DGKB: variants seen among roughly 807,000 people sequenced by gnomAD.
DGKB encodes 90 kDa diacylglycerol kinase.
A neutral mutation model predicts 114.3 loss-of-function variants in DGKB; 67 were observed. That is an observed-to-expected ratio of 0.59 (90% CI 0.48 to 0.72). The LOEUF (loss-of-function observed/expected upper bound fraction) is 0.72, where lower values mean the gene tolerates loss of function less well. Among genes scored for constraint, DGKB ranks in the 30% least tolerant of loss-of-function variants. DGKB has a pLI of 0.00. For missense variants in DGKB, 907 were observed against 975.2 expected (o/e 0.93, Z 0.93); for synonymous variants, 398 against 323.1 (o/e 1.23, Z -2.49).
At chr7:14,852,487 C>CAAAA in intron 1 of DGKB, among the ~76,000 whole-genome samples, 5 of 63,616 alleles carry the variant, frequency 7.9e-5, no homozygotes, top group East Asian at 5.0e-4. Flanking sequence ...TAGTGAAAGT[C>CAAAA]AAAAAAAAAA....
At chr7:14,256,385 T>A (rs1795970607) in intron 23 of DGKB, among the ~76,000 whole-genome samples, 1 of 152,042 alleles carries the variant, frequency 6.6e-6, no homozygotes, top group Admixed American at 6.5e-5. Flanking sequence ...CTTTTATAAT[T>A]TTCCCTTTAA....
intron 13 of DGKB, among the ~76,000 whole-genome samples, chr7:14,657,553 G>A (rs1306956232): frequency 1.3e-5 from 2 of 151,848 alleles, no homozygotes; most frequent in Admixed American, 6.6e-5. Context: ...GATGACATAG[G>A]ATTTCAAGGA....
chr7:14,912,798 C>T (rs1184800554), intron 1 of DGKB, among the ~76,000 whole-genome samples: 1 of 152,064 alleles, frequency 6.6e-6, no homozygotes, highest in African/African-American at 2.4e-5. Flanking sequence ...TGCAGAGTTT[C>T]CCACACATAT....
intron 23 of DGKB, among the ~76,000 whole-genome samples, chr7:14,243,713 A>G (rs770898105): frequency 1.3e-5 from 2 of 152,176 alleles, no homozygotes; most frequent in Non-Finnish European, 2.9e-5. Flanking sequence ...TATTACCTCT[A>G]TTCTCTCAGT....
chr7:14,675,863 C>CATT (rs1819763887), intron 12 of DGKB, among the ~76,000 whole-genome samples: 2 of 152,018 alleles, frequency 1.3e-5, no homozygotes, highest in African/African-American at 4.8e-5. Context: ...TAACCATCAA[C>CATT]ATTATGACGT....
chr7:14,336,655 C>T (rs947687732), intron 23 of DGKB, among the ~76,000 whole-genome samples: 1 of 152,136 alleles, frequency 6.6e-6, no homozygotes, highest in Non-Finnish European at 1.5e-5. Context: ...GTTACAGGCA[C>T]TGACAGCCTA....
chr7:14,399,680 C>T (rs1171099388), intron 21 of DGKB, among the ~76,000 whole-genome samples: 3 of 151,682 alleles, frequency 2.0e-5, no homozygotes, highest in African/African-American at 7.3e-5. Context: ...GTTGATAGTA[C>T]TTTAATTGAG....
At chr7:14,176,333 A>C (rs1349381319) in intron 25 of DGKB, 1 of 984,476 alleles carries the variant, frequency 1.0e-6, no homozygotes, top group African/African-American at 1.7e-5. Flanking sequence ...GCCTTAAATA[A>C]TACCTCATTC....
At chr7:14,363,971 G>A (rs1816201308) in intron 21 of DGKB, among the ~76,000 whole-genome samples, 1 of 151,968 alleles carries the variant, frequency 6.6e-6, no homozygotes, top group Non-Finnish European at 1.5e-5. Context: ...AAAGAAATAT[G>A]ATAGGTCAAT....
intron 1 of DGKB, among the ~76,000 whole-genome samples, chr7:14,916,900 A>G (rs1307240700): frequency 6.6e-6 from 1 of 152,100 alleles, no homozygotes; most frequent in African/African-American, 2.4e-5. Context: ...GCCCTAAAAC[A>G]CACCTTAACA....
chr7:14,685,763 A>C (rs1382012048), intron 9 of DGKB, among the ~76,000 whole-genome samples: 1 of 152,124 alleles, frequency 6.6e-6, no homozygotes, highest in Non-Finnish European at 1.5e-5. Flanking sequence ...ACAAAGAAAA[A>C]CCTGCAAAGA....
At chr7:14,552,594 T>C (rs1189847945) in intron 20 of DGKB, among the ~76,000 whole-genome samples, 3 of 152,210 alleles carry the variant, frequency 2.0e-5, no homozygotes, top group Admixed American at 6.5e-5. Flanking sequence ...ATAAGGAATA[T>C]GTCACCATGT....
At chr7:14,597,656 G>T (rs956225577) in intron 17 of DGKB, among the ~76,000 whole-genome samples, 9 of 151,962 alleles carry the variant, frequency 5.9e-5, no homozygotes, top group African/African-American at 2.2e-4. Context: ...AGAAGAGGAG[G>T]GTATGTATAA....
intron 17 of DGKB, among the ~76,000 whole-genome samples, chr7:14,602,189 C>T (rs963222662): frequency 7.2e-5 from 11 of 152,246 alleles, no homozygotes; most frequent in East Asian, 1.9e-4. Flanking sequence ...GTTTTGATAT[C>T]ACAGGGGTAC....
At chr7:14,819,215 G>T (rs375671669) in intron 2 of DGKB, among the ~76,000 whole-genome samples, 38 of 152,022 alleles carry the variant, frequency 2.5e-4, no homozygotes, top group African/African-American at 8.7e-4. Flanking sequence ...TGGGACATAG[G>T]GTCCCTGCAT....
At chr7:14,929,121 T>C (rs141473061) in intron 1 of DGKB, among the ~76,000 whole-genome samples, 10 of 152,024 alleles carry the variant, frequency 6.6e-5, no homozygotes, top group Admixed American at 1.3e-4. Context: ...CATTTCTTTA[T>C]ACAGTCATCC....
At chr7:14,554,027 C>T (rs1170940723) in intron 20 of DGKB, among the ~76,000 whole-genome samples, 2 of 151,920 alleles carry the variant, frequency 1.3e-5, no homozygotes, top group African/African-American at 4.8e-5. Context: ...CAACCGTCAC[C>T]ACGCCCGGCT....
At chr7:14,888,724 AG>A (rs1780710458) in intron 1 of DGKB, among the ~76,000 whole-genome samples, 1 of 151,730 alleles carries the variant, frequency 6.6e-6, no homozygotes. Context: ...TGTGTAAAGA[AG>A]GTTTTGTATA....
intron 13 of DGKB, among the ~76,000 whole-genome samples, chr7:14,670,603 C>T (rs530416244): frequency 6.6e-6 from 1 of 152,148 alleles, no homozygotes; most frequent in South Asian, 2.1e-4. Flanking sequence ...CCATGCCCAG[C>T]CATGTTGTAC....
Sources: gnomAD v4.1 joint callset for allele counts (sites outside exome capture counted in the v4.1 genomes callset) on GRCh38, gnomAD v4.1.1 for gene constraint, MANE v1.5 for transcripts, NCBI Gene and HGNC (gene_info 2026-07-23, HGNC 2026-07-21) for gene names.